The following GRIA4 variants were observed in gnomAD, a reference collection of about 807,000 sequenced individuals.
GRIA4 encodes glutamate ionotropic receptor AMPA type subunit 4.
A neutral mutation model predicts 104.0 loss-of-function variants in GRIA4; 34 were observed. The ratio of observed to expected loss-of-function variants is 0.33; its 90% CI spans 0.25 to 0.44. The LOEUF is 0.44. Among genes scored for constraint, GRIA4 ranks in the 20% least tolerant of loss-of-function variants. The pLI, the probability that GRIA4 is intolerant of heterozygous loss-of-function variation, is 1.00. For missense variants in GRIA4, 750 were observed against 1,096.5 expected (o/e 0.68, Z 4.46); for synonymous variants, 386 against 381.9 (o/e 1.01, Z -0.13).
intron 3 of GRIA4, among the ~76,000 whole-genome samples, chr11:105,752,686 G>A (rs923094803): frequency 6.6e-6 from 1 of 152,042 alleles, no homozygotes; most frequent in East Asian, 1.9e-4. Flanking sequence ...ACATTATTAT[G>A]GAAGGCCATA....
At chr11:105,618,294 G>C (rs754942184) in intron 3 of GRIA4, among the ~76,000 whole-genome samples, 59 of 151,960 alleles carry the variant, frequency 3.9e-4, no homozygotes, top group Non-Finnish European at 6.9e-4. Context: ...TAAAGAACAG[G>C]CTAGGTTGCA....
chr11:105,897,031 C>T (rs1161281524), intron 6 of GRIA4, among the ~76,000 whole-genome samples: 1 of 152,138 alleles, frequency 6.6e-6, no homozygotes, highest in Non-Finnish European at 1.5e-5. Flanking sequence ...TTTATTCTTC[C>T]TATCCATGAG....
At chr11:105,859,116 T>C (rs1310374448) in intron 4 of GRIA4, among the ~76,000 whole-genome samples, 1 of 152,200 alleles carries the variant, frequency 6.6e-6, no homozygotes, top group Non-Finnish European at 1.5e-5. Context: ...TACATAATCA[T>C]AGATTCAACA....
At chr11:105,868,641 C>A (rs954682208) in intron 5 of GRIA4, among the ~76,000 whole-genome samples, 12 of 152,088 alleles carry the variant, frequency 7.9e-5, no homozygotes, top group Admixed American at 7.9e-4. Context: ...TATGGGACAC[C>A]TACATGTCCC....
intron 6 of GRIA4, among the ~76,000 whole-genome samples, chr11:105,889,924 A>T (rs1212095639): frequency 6.6e-6 from 1 of 152,174 alleles, no homozygotes; most frequent in Non-Finnish European, 1.5e-5. Context: ...ATTTACAATT[A>T]CAATTTACAA....
chr11:105,790,938 C>T (rs1449226822), intron 4 of GRIA4, among the ~76,000 whole-genome samples: 1 of 152,114 alleles, frequency 6.6e-6, no homozygotes, highest in East Asian at 1.9e-4. Context: ...TTGCAAAATG[C>T]TCTTCGTATT....
intron 3 of GRIA4, among the ~76,000 whole-genome samples, chr11:105,692,127 T>A (rs977650577): frequency 6.6e-6 from 1 of 151,960 alleles, no homozygotes; most frequent in African/African-American, 2.4e-5. Flanking sequence ...GGATTGATGA[T>A]AATGATGATG....
At chr11:105,844,474 T>G (rs1944510295) in intron 4 of GRIA4, among the ~76,000 whole-genome samples, 2 of 152,202 alleles carry the variant, frequency 1.3e-5, no homozygotes, top group South Asian at 4.1e-4. Flanking sequence ...CTAAATGCCC[T>G]TGCAGGGAAT....
chr11:105,974,096 A>G (rs1189123284), intron 15 of GRIA4, among the ~76,000 whole-genome samples: 1 of 152,192 alleles, frequency 6.6e-6, no homozygotes, highest in Non-Finnish European at 1.5e-5. Flanking sequence ...ATGTAATTAG[A>G]TACAATTTGT....
chr11:105,747,071 T>C (rs376546145), intron 3 of GRIA4, among the ~76,000 whole-genome samples: 164 of 152,348 alleles, frequency 1.1e-3, no homozygotes, highest in African/African-American at 3.6e-3. Flanking sequence ...CGTATTTATC[T>C]GCTCTCAAGT....
intron 4 of GRIA4, among the ~76,000 whole-genome samples, chr11:105,861,290 C>T (rs1945216012): frequency 6.6e-6 from 1 of 152,110 alleles, no homozygotes. Flanking sequence ...TTGTTCCATC[C>T]AGACAGCTCT....
At chr11:105,944,931 T>C (rs564817499) in intron 14 of GRIA4, among the ~76,000 whole-genome samples, 2 of 152,368 alleles carry the variant, frequency 1.3e-5, no homozygotes, top group East Asian at 3.8e-4. Flanking sequence ...TATCCATTTC[T>C]CAGATGTTTT....
chr11:105,727,427 G>A (rs991792586), intron 3 of GRIA4, among the ~76,000 whole-genome samples: 3 of 152,146 alleles, frequency 2.0e-5, no homozygotes, highest in African/African-American at 7.2e-5. Context: ...AGTGACGGGA[G>A]AATGGAACCA....
intron 3 of GRIA4, among the ~76,000 whole-genome samples, chr11:105,647,640 G>A (rs1951566903): frequency 6.6e-6 from 1 of 152,136 alleles, no homozygotes; most frequent in African/African-American, 2.4e-5. Context: ...CATGTCCTTT[G>A]CAAGGACATG....
At chr11:105,727,770 C>G (rs753720226) in intron 3 of GRIA4, among the ~76,000 whole-genome samples, 1 of 152,128 alleles carries the variant, frequency 6.6e-6, no homozygotes, top group Non-Finnish European at 1.5e-5. Flanking sequence ...CATATCCAGC[C>G]AAACTAAGCT....
At chr11:105,920,638 AG>A (rs1947533031) in intron 11 of GRIA4, among the ~76,000 whole-genome samples, 1 of 152,212 alleles carries the variant, frequency 6.6e-6, no homozygotes, top group African/African-American at 2.4e-5. Flanking sequence ...ATATGAAGGG[AG>A]TAGCATAATT....
chr11:105,974,476 C>T, intron 16 of GRIA4, 32 bp downstream of exon 16: 1 of 1,613,866 alleles, frequency 6.2e-7, no homozygotes, highest in Non-Finnish European at 8.5e-7. Context: ...TTTAACCCAA[C>T]TTCCTCGCAG....
intron 4 of GRIA4, among the ~76,000 whole-genome samples, chr11:105,773,904 T>C (rs1941334333): frequency 6.6e-6 from 1 of 151,174 alleles, no homozygotes; most frequent in African/African-American, 2.4e-5. Flanking sequence ...ATAATTAAAG[T>C]AATAAGTACT....
chr11:105,641,344 C>A (rs76226961), intron 3 of GRIA4, among the ~76,000 whole-genome samples: 1,617 of 152,208 alleles, frequency 0.011, 12 homozygotes, highest in Admixed American at 0.025. Flanking sequence ...CCGTCACTCA[C>A]CATAGCCACT....
Sources: allele counts gnomAD v4.1 joint callset (sites outside exome capture counted in the v4.1 genomes callset), GRCh38; gene constraint gnomAD v4.1.1; transcripts MANE v1.5; gene names NCBI Gene and HGNC (gene_info 2026-07-23, HGNC 2026-07-21).